The following DACH1 variants were observed in gnomAD, a reference collection of about 807,000 sequenced individuals.
The protein encoded by DACH1 is dachshund homolog 1.
DACH1 carries 12 observed loss-of-function variants against 54.2 expected under a neutral mutation model. That is an observed-to-expected ratio of 0.22 (90% CI 0.14 to 0.36). The LOEUF (loss-of-function observed/expected upper bound fraction) is 0.36, where lower values mean the gene tolerates loss of function less well. Among genes scored for constraint, DACH1 ranks in the 10% least tolerant of loss-of-function variants. The probability of loss-of-function intolerance (pLI) is 1.00; values close to 1 mark genes in which losing one functional copy is unlikely to be tolerated. For synonymous variants in DACH1, 386 were observed against 366.2 expected (o/e 1.05, Z -0.62); for missense variants, 805 against 929.8 (o/e 0.87, Z 1.75).
chr13:71,753,609 A>G (rs937658129), intron 1 of DACH1, among the ~76,000 whole-genome samples: 3 of 152,218 alleles, frequency 2.0e-5, no homozygotes. Flanking sequence ...ACACTGTTCC[A>G]GTAATAGTAT....
chr13:71,640,375 T>C (rs1054617623), intron 2 of DACH1, among the ~76,000 whole-genome samples: 2 of 152,042 alleles, frequency 1.3e-5, no homozygotes, highest in African/African-American at 4.8e-5. Context: ...CCATTGAACT[T>C]TATGCACAAA....
intron 6 of DACH1, among the ~76,000 whole-genome samples, chr13:71,524,423 G>C (rs1422742374): frequency 3.9e-5 from 6 of 152,102 alleles, no homozygotes; most frequent in African/African-American, 1.4e-4. Context: ...AACAAAGTGT[G>C]CTTTTTAATA....
At chr13:71,823,341 A>C (rs1888263752) in intron 1 of DACH1, among the ~76,000 whole-genome samples, 1 of 152,080 alleles carries the variant, frequency 6.6e-6, no homozygotes, top group South Asian at 2.1e-4. Context: ...TCTCTTAGCT[A>C]AACCTCCTGT....
intron 1 of DACH1, among the ~76,000 whole-genome samples, chr13:71,778,096 A>C (rs758924372): frequency 8.5e-5 from 3 of 35,422 alleles, no homozygotes; most frequent in South Asian, 8.1e-4. Context: ...TGTCTACAAT[A>C]AATAAATAAA....
Position 71,841,928 on chromosome 13 carries a change from T to C in DACH1, c.848+23994A>G, listed in dbSNP as rs551192079. The stretch of plus-strand genomic sequence containing the variant: ...CATAATTCATAATTCATAATTTTCA[T>C]AGTTCAACCTCCTTTCCCCAAATTT... On this transcript the variant is annotated intron_variant, in intron 1 of 10. Coordinates refer to ENST00000613252, the MANE Select transcript of DACH1 (RefSeq NM_080759.6). Among the ~76,000 whole-genome samples the C allele has an allele frequency of 2.0e-5, 3 of 152,336 alleles. No individual in the cohort carries two copies. In the South Asian group the frequency reaches 6.2e-4, roughly 32 times the overall value.
Position 71,796,501 on chromosome 13 carries a change from CATA to C in DACH1, c.848+69418_848+69420del, listed in dbSNP as rs143563482. ...TATTAGTAATTCCCATTAGAAATGC[CATA>C]ATGTTTTGGTTTAATGAATGATTTA... On this transcript the variant is annotated intron_variant, in intron 1 of 10. Coordinates refer to ENST00000613252, the MANE Select transcript of DACH1 (RefSeq NM_080759.6). 0.013 allele frequency among the ~76,000 whole-genome samples: 1,900 copies of C among 151,944 alleles called. 203 individuals are homozygous for C. The East Asian group carries it at 0.26, about 21-fold the overall frequency.
At chr13:71,539,244 T>C (rs1270449862) in intron 6 of DACH1, among the ~76,000 whole-genome samples, 5 of 152,070 alleles carry the variant, frequency 3.3e-5, no homozygotes, top group African/African-American at 9.7e-5. Context: ...TCTCTTGAAC[T>C]TGCATGTTCT....
chr13:71,705,481 T>C (rs1882394567), intron 1 of DACH1, among the ~76,000 whole-genome samples: 1 of 152,218 alleles, frequency 6.6e-6, no homozygotes, highest in African/African-American at 2.4e-5. Context: ...TGGAAGACAG[T>C]GGTTTAACAT....
chr13:71,603,662 A>G (rs1250247034), intron 3 of DACH1, among the ~76,000 whole-genome samples: 1 of 152,030 alleles, frequency 6.6e-6, no homozygotes, highest in Non-Finnish European at 1.5e-5. Flanking sequence ...ACAAATAACG[A>G]ATTTTAAAAT....
chr13:71,498,620 A>T (rs568679029), intron 6 of DACH1, among the ~76,000 whole-genome samples: 1 of 150,364 alleles, frequency 6.7e-6, no homozygotes, highest in East Asian at 2.0e-4. Context: ...AAAAGAAGAG[A>T]TTCTGTTTAG....
chr13:71,615,538 C>T (rs1443019941), intron 3 of DACH1, among the ~76,000 whole-genome samples: 1 of 152,118 alleles, frequency 6.6e-6, no homozygotes, highest in East Asian at 1.9e-4. Flanking sequence ...GATGAAATAA[C>T]TGACAACTTT....
intron 3 of DACH1, among the ~76,000 whole-genome samples, chr13:71,599,287 A>G (rs2138485587): frequency 6.6e-6 from 1 of 152,266 alleles, no homozygotes. Flanking sequence ...ATTAAAGGCA[A>G]GTTTTAGCTA....
intron 7 of DACH1, among the ~76,000 whole-genome samples, chr13:71,482,187 A>T (rs564895818): frequency 6.6e-6 from 1 of 152,286 alleles, no homozygotes; most frequent in Non-Finnish European, 1.5e-5. Context: ...TTGTTTTCTA[A>T]AATAATCTAA....
At chr13:71,693,319 T>TTTTTTTTTTTTTA (rs1881625405) in intron 1 of DACH1, among the ~76,000 whole-genome samples, 1 of 143,876 alleles carries the variant, frequency 7.0e-6, no homozygotes, top group Non-Finnish European at 1.5e-5. Context: ...TTTTTTTTTT[T>TTTTTTTTTTTTTA]GAGACAAGAG....
chr13:71,517,537 C>T (rs1253942917), intron 6 of DACH1, among the ~76,000 whole-genome samples: 1 of 151,852 alleles, frequency 6.6e-6, no homozygotes, highest in Admixed American at 6.6e-5. Flanking sequence ...TCTTTCACTA[C>T]ATTTTGGTCT....
intron 6 of DACH1, among the ~76,000 whole-genome samples, chr13:71,542,823 A>G (rs1883221697): frequency 6.6e-6 from 1 of 152,158 alleles, no homozygotes; most frequent in Non-Finnish European, 1.5e-5. Context: ...ACCTCTATAT[A>G]AGGAAGCTGA....
At position 71,439,801 on chromosome 13, in the gene DACH1, A is replaced by G. The variant is rs1873846079; in HGVS notation, c.*854T>C. The G allele has an allele frequency of 6.6e-6, 1 of 152,464 alleles. No homozygotes were observed. Among genetic ancestry groups the G allele is most frequent in the African/African-American group, 2.4e-5 (1 of 41,432 alleles). 9.4% of individuals were successfully genotyped at this position (152,464 alleles called of 1,614,324 possible). A position where few individuals can be genotyped will look rare whatever the true frequency, so the allele number is the denominator to read the frequency against. On this transcript the variant is annotated 3_prime_UTR_variant, in exon 11 of 11. Coordinates refer to ENST00000613252, the MANE Select transcript of DACH1 (RefSeq NM_080759.6). ...TTTTCATTTTCCTAAACTCTAGTAT[A>G]CTACTGCATACATAATACCTTCCTT...
intron 3 of DACH1, among the ~76,000 whole-genome samples, chr13:71,599,853 A>ACG (rs1555300231): frequency 6.6e-6 from 1 of 151,072 alleles, no homozygotes; most frequent in Non-Finnish European, 1.5e-5. Context: ...ACACACACAC[A>ACG]CGCACACACA....
At chr13:71,495,485 C>G (rs1879330409) in intron 6 of DACH1, among the ~76,000 whole-genome samples, 2 of 151,904 alleles carry the variant, frequency 1.3e-5, no homozygotes, top group Non-Finnish European at 2.9e-5. Flanking sequence ...TATAAATAAT[C>G]TATAGATTAA....
Sources: gnomAD v4.1 joint callset for allele counts (sites outside exome capture counted in the v4.1 genomes callset) on GRCh38, gnomAD v4.1.1 for gene constraint, MANE v1.5 for transcripts, NCBI Gene and HGNC (gene_info 2026-07-23, HGNC 2026-07-21) for gene names.